Variants in PTPRN2 observed in about 807,000 individuals in gnomAD.
PTPRN2 encodes receptor-type tyrosine-protein phosphatase N2.
A neutral mutation model predicts 118.8 loss-of-function variants in PTPRN2; 74 were observed. That is an observed-to-expected ratio of 0.62 (90% CI 0.52 to 0.76). The LOEUF (loss-of-function observed/expected upper bound fraction) is 0.76. PTPRN2 is among the 30% of genes least tolerant of loss of function. The pLI, the probability that PTPRN2 is intolerant of heterozygous loss-of-function variation, is 0.00. For missense variants in PTPRN2, 1,481 were observed against 1,394.4 expected (o/e 1.06, Z -0.99); for synonymous variants, 641 against 608.0 (o/e 1.05, Z -0.80).
chr7:157,672,414 C>T (rs546501990), intron 13 of PTPRN2, among the ~76,000 whole-genome samples: 47 of 152,180 alleles, frequency 3.1e-4, no homozygotes, highest in East Asian at 5.8e-4. Context: ...GAAACTCACA[C>T]ACCAGCTCCA....
chr7:158,219,435 T>A (rs886614234), intron 3 of PTPRN2, among the ~76,000 whole-genome samples: 3 of 151,970 alleles, frequency 2.0e-5, no homozygotes, highest in Non-Finnish European at 4.4e-5. Flanking sequence ...AAGGAAAGTT[T>A]ATAACACTAA....
At position 158,342,808 on chromosome 7, in the gene PTPRN2, G is replaced by A. The variant is rs768910992; in HGVS notation, c.164-25876C>T. 2.6e-5 allele frequency among the ~76,000 whole-genome samples: 4 copies of A among 152,130 alleles called. No individual in the cohort carries two copies. In the East Asian group the frequency reaches 5.8e-4, roughly 22 times the overall value. ...CACTTAGCACCCATGAGGGAGGTAC[G>A]GAAACAGGATCAACCATTCCAGACC... On this transcript the variant is annotated intron_variant, in intron 2 of 22. Transcript: ENST00000389418.
At chr7:157,673,736 T>A (rs893324327) in intron 13 of PTPRN2, among the ~76,000 whole-genome samples, 4 of 152,044 alleles carry the variant, frequency 2.6e-5, no homozygotes, top group Non-Finnish European at 4.4e-5. Context: ...CGTTGCCTTT[T>A]TCTTCCTCTC....
chr7:157,999,023 C>T (rs1375026420), intron 11 of PTPRN2, among the ~76,000 whole-genome samples: 2 of 151,798 alleles, frequency 1.3e-5, no homozygotes, highest in Non-Finnish European at 2.9e-5. Context: ...CAGTGTGGGG[C>T]GGTCCCGGGT....
At chr7:158,088,266 T>C (rs558196860) in intron 10 of PTPRN2, among the ~76,000 whole-genome samples, 4 of 31,792 alleles carry the variant, frequency 1.3e-4, no homozygotes, top group East Asian at 8.9e-3. Context: ...ACAAACCTTC[T>C]TCCCCTGATG....
At chr7:157,576,519 T>A (rs1800049183) in intron 19 of PTPRN2, 94 bp downstream of exon 19, 18 of 1,304,026 alleles carry the variant, frequency 1.4e-5, no homozygotes, top group Non-Finnish European at 1.8e-5. Context: ...GACGCGGCCC[T>A]CGGCGCCAGG....
chr7:158,055,465 C>T (rs1001846938), intron 11 of PTPRN2, among the ~76,000 whole-genome samples: 5 of 152,198 alleles, frequency 3.3e-5, no homozygotes, highest in Admixed American at 3.3e-4. Flanking sequence ...ACTCCTCCAC[C>T]TCTTGTGGAG....
At chr7:157,689,084 G>A (rs541205913) in intron 12 of PTPRN2, among the ~76,000 whole-genome samples, 12 of 152,310 alleles carry the variant, frequency 7.9e-5, no homozygotes, top group Middle Eastern at 3.4e-3. Flanking sequence ...CGCAGCCCCC[G>A]GGCGGCGCAG....
intron 12 of PTPRN2, among the ~76,000 whole-genome samples, chr7:157,683,520 C>A (rs1430700400): frequency 6.6e-6 from 1 of 152,212 alleles, no homozygotes; most frequent in Non-Finnish European, 1.5e-5. Flanking sequence ...TCGAATCCCA[C>A]CTGACTCCAG....
intron 2 of PTPRN2, among the ~76,000 whole-genome samples, chr7:158,327,482 C>T (rs927356663): frequency 1.3e-5 from 2 of 152,092 alleles, no homozygotes; most frequent in African/African-American, 4.8e-5. Context: ...CTCACACATA[C>T]ATTCTCACAT....
At chr7:158,340,054 C>G (rs1240938036) in intron 2 of PTPRN2, among the ~76,000 whole-genome samples, 19 of 77,652 alleles carry the variant, frequency 2.4e-4, no homozygotes, top group African/African-American at 9.3e-4. Flanking sequence ...GTCACTCACA[C>G]CCACACTGTC....
chr7:158,093,015 T>C lies in PTPRN2; in HGVS notation c.1644-11638A>G, dbSNP rs150388383. ...AGTTTTAGGTGCTAGCTCCAAATAG[T>C]CCAATTCTAATATCAATGCCACCAC... On this transcript the variant is annotated intron_variant, in intron 10 of 22. Coordinates refer to ENST00000389418, the MANE Select transcript of PTPRN2 (RefSeq NM_002847.5). The surrounding 1 kb of genome is among the most constrained non-coding windows in gnomAD (Gnocchi z 4.4). Among the ~76,000 whole-genome samples, 92 of 152,324 alleles carry C rather than the reference T, an allele frequency of 6.0e-4. 1 individual carries two copies. In the East Asian group the frequency reaches 0.015, roughly 25 times the overall value.
Position 157,990,467 on chromosome 7 carries a change from C to A in PTPRN2, c.1723+90831G>T, listed in dbSNP as rs914681045. On this transcript the variant is annotated intron_variant, in intron 11 of 22. Transcript: ENST00000389418. This position sits in a 1 kb window ranked among gnomAD's most constrained non-coding sequence, Gnocchi z 4.3. Reference sequence around the variant, plus strand: ...TTCCTTCAGGGCACCCCCACCCACCCTCTCCCCAAGGCTTGGGCCACACTC... The same window carrying A: ...TTCCTTCAGGGCACCCCCACCCACCATCTCCCCAAGGCTTGGGCCACACTC... 6.6e-6 allele frequency among the ~76,000 whole-genome samples: 1 copy of A among 152,182 alleles called. No individual in the cohort carries two copies. The highest frequency in any genetic ancestry group is 1.5e-5 in the Non-Finnish European group (1 of 68,026).
At chr7:158,354,955 G>A (rs1438038980) in intron 2 of PTPRN2, among the ~76,000 whole-genome samples, 1 of 151,908 alleles carries the variant, frequency 6.6e-6, no homozygotes, top group East Asian at 1.9e-4. Flanking sequence ...CAATTTGTTT[G>A]TCAACAGACA....
intron 6 of PTPRN2, among the ~76,000 whole-genome samples, chr7:158,142,684 T>A (rs1246672457): frequency 6.6e-6 from 1 of 152,174 alleles, no homozygotes; most frequent in Non-Finnish European, 1.5e-5. Flanking sequence ...GATGGAATGC[T>A]ACCTTCAAAG....
In PTPRN2 at chr7:157,984,691, G is replaced by A. The variant is rs996303388; in HGVS notation, c.1724-85954C>T. Among the ~76,000 whole-genome samples the A allele has an allele frequency of 1.6e-4, 25 of 152,202 alleles. No homozygotes were observed. In the East Asian group the frequency reaches 4.5e-3, roughly 27 times the overall value. Reference sequence around the variant, plus strand: ...CTCAGCAGCCACGAGCTGACCACGCGGTGAGGCTGTTCACTTTTCTCCCTG... The same window carrying A: ...CTCAGCAGCCACGAGCTGACCACGCAGTGAGGCTGTTCACTTTTCTCCCTG... On this transcript the variant is annotated intron_variant, in intron 11 of 22. Coordinates refer to ENST00000389418, the MANE Select transcript of PTPRN2 (RefSeq NM_002847.5).
rs185347660 is a variant in PTPRN2, at chr7:157,625,871, T to C, written c.2197-4362A>G. ...CAACTTTTGTTACATAAATAGCATA[T>C]GTAGAAAAGAAAAGAAAATGAAGAT... On this transcript the variant is annotated intron_variant, in intron 14 of 22. Coordinates refer to ENST00000389418, the MANE Select transcript of PTPRN2 (RefSeq NM_002847.5). 1.2e-3 allele frequency among the ~76,000 whole-genome samples: 187 copies of C among 152,208 alleles called. 1 individual carries two copies. Among genetic ancestry groups the C allele is most frequent in the African/African-American group, 4.0e-3 (168 of 41,520 alleles).
intron 2 of PTPRN2, among the ~76,000 whole-genome samples, chr7:158,372,959 G>A (rs995710066): frequency 6.6e-5 from 10 of 151,916 alleles, no homozygotes; most frequent in African/African-American, 1.5e-4. Context: ...GCAATCTGGG[G>A]CCACCTGGCC....
chr7:158,296,579 T>G (rs1325715263), intron 3 of PTPRN2, among the ~76,000 whole-genome samples: 2 of 152,180 alleles, frequency 1.3e-5, no homozygotes, highest in African/African-American at 2.4e-5. Flanking sequence ...AAAAGCACCC[T>G]GTAACACACG....
Sources: allele counts gnomAD v4.1 joint callset (sites outside exome capture counted in the v4.1 genomes callset), GRCh38; gene constraint gnomAD v4.1.1; non-coding constraint Gnocchi (gnomAD v3.1); transcripts MANE v1.5; gene names NCBI Gene and HGNC (gene_info 2026-07-23, HGNC 2026-07-21).